Variants in AMBRA1 observed in about 807,000 individuals in gnomAD.
AMBRA1 encodes the protein autophagy and beclin 1 regulator 1.
Under a neutral mutation model 125.4 loss-of-function variants are expected in AMBRA1, and 47 were observed. The ratio of observed to expected loss-of-function variants is 0.37; its 90% CI spans 0.30 to 0.48. AMBRA1 has a LOEUF of 0.48. Ranked by LOEUF, AMBRA1 falls within the 20% of genes least tolerant of loss-of-function variation. AMBRA1 has a pLI of 0.99. For synonymous variants in AMBRA1, 626 were observed against 655.5 expected (o/e 0.95, Z 0.69); for missense variants, 1,331 against 1,693.4 (o/e 0.79, Z 3.76).
chr11:46,507,593 G>A (rs1199040733), intron 9 of AMBRA1, among the ~76,000 whole-genome samples: 2 of 151,824 alleles, frequency 1.3e-5, no homozygotes, highest in Non-Finnish European at 2.9e-5. Flanking sequence ...AAAGCCCAAA[G>A]AAGCAAGAAA....
At chr11:46,547,036 G>A (rs1018077258) in intron 4 of AMBRA1, 77 bp downstream of exon 4, 3 of 1,394,188 alleles carry the variant, frequency 2.2e-6, no homozygotes, top group East Asian at 4.7e-5. Flanking sequence ...ACACCACTGG[G>A]CAACAGAGCG....
At chr11:46,510,628 C>T (rs1370336701) in intron 8 of AMBRA1, among the ~76,000 whole-genome samples, 1 of 152,090 alleles carries the variant, frequency 6.6e-6, no homozygotes, top group Non-Finnish European at 1.5e-5. Flanking sequence ...AGAAGACTGC[C>T]TTTTTATGTA....
At chr11:46,550,957 C>T (rs1269117653) in intron 1 of AMBRA1, among the ~76,000 whole-genome samples, 5 of 149,688 alleles carry the variant, frequency 3.3e-5, no homozygotes, top group East Asian at 3.9e-4. Flanking sequence ...AATAGCCAGA[C>T]GTGGTGGCAG....
intron 11 of AMBRA1, among the ~76,000 whole-genome samples, chr11:46,482,907 G>A (rs1314320621): frequency 2.0e-5 from 3 of 151,864 alleles, no homozygotes; most frequent in South Asian, 2.1e-4. Flanking sequence ...TACTCAGGAC[G>A]CTGAGGCAGG....
At chr11:46,440,755 T>A (rs1947964220) in intron 12 of AMBRA1, among the ~76,000 whole-genome samples, 1 of 152,222 alleles carries the variant, frequency 6.6e-6, no homozygotes, top group Non-Finnish European at 1.5e-5. Flanking sequence ...AATAGATGGT[T>A]GCTGCTGAAG....
intron 1 of AMBRA1, among the ~76,000 whole-genome samples, chr11:46,563,515 C>T (rs752763831): frequency 9.9e-5 from 15 of 152,206 alleles, no homozygotes; most frequent in South Asian, 6.2e-4. Context: ...ATGAGCCACA[C>T]GGCACCCTGA....
intron 1 of AMBRA1, among the ~76,000 whole-genome samples, chr11:46,577,903 T>A (rs1463548257): frequency 6.6e-6 from 1 of 152,072 alleles, no homozygotes; most frequent in African/African-American, 2.4e-5. Context: ...TGAGCCGATA[T>A]AGCACCACTG....
chr11:46,489,733 T>C (rs1950398282), intron 11 of AMBRA1, among the ~76,000 whole-genome samples: 1 of 152,220 alleles, frequency 6.6e-6, no homozygotes, highest in African/African-American at 2.4e-5. Context: ...CTCAGAAGTT[T>C]TTTGTTCTTC....
At chr11:46,441,441 G>A (rs1948001924) in intron 12 of AMBRA1, among the ~76,000 whole-genome samples, 1 of 151,942 alleles carries the variant, frequency 6.6e-6, no homozygotes, top group Non-Finnish European at 1.5e-5. Flanking sequence ...ATGAACCTGG[G>A]GGTGCGGAGA....
chr11:46,562,784 A>C (rs1174752057), intron 1 of AMBRA1, among the ~76,000 whole-genome samples: 2 of 150,950 alleles, frequency 1.3e-5, no homozygotes, highest in African/African-American at 4.9e-5. Context: ...AGTATAATAA[A>C]TATAATGCAA....
intron 11 of AMBRA1, among the ~76,000 whole-genome samples, chr11:46,455,201 C>CT (rs944253374): frequency 1.2e-4 from 18 of 151,200 alleles, no homozygotes; most frequent in African/African-American, 2.4e-4. Flanking sequence ...TTTTCTTTTT[C>CT]TTTTTTTTTA....
At chr11:46,426,589 T>C (rs1947148377) in intron 14 of AMBRA1, among the ~76,000 whole-genome samples, 1 of 152,230 alleles carries the variant, frequency 6.6e-6, no homozygotes, top group African/African-American at 2.4e-5. Flanking sequence ...TCTAGTGTTA[T>C]TTTTAATTTT....
intron 9 of AMBRA1, among the ~76,000 whole-genome samples, chr11:46,500,795 T>C (rs1037061327): frequency 6.6e-6 from 1 of 152,210 alleles, no homozygotes; most frequent in African/African-American, 2.4e-5. Flanking sequence ...CAGTCTTCAA[T>C]ACCCAGCTCA....
intron 1 of AMBRA1, among the ~76,000 whole-genome samples, chr11:46,590,411 T>C (rs1163399392): frequency 6.6e-6 from 1 of 151,914 alleles, no homozygotes; most frequent in Non-Finnish European, 1.5e-5. Context: ...GGAGGGCTAC[T>C]TGAGCCCAGG....
chr11:46,579,832 C>T (rs1387292333), intron 1 of AMBRA1, among the ~76,000 whole-genome samples: 1 of 152,170 alleles, frequency 6.6e-6, no homozygotes, highest in African/African-American at 2.4e-5. Context: ...CCTGCCTCAG[C>T]CTCCTGAGGA....
intron 8 of AMBRA1, 107 bp from the exon 9 acceptor site, chr11:46,508,477 C>A (rs1951143311): frequency 1.7e-6 from 2 of 1,144,336 alleles, no homozygotes; most frequent in Non-Finnish European, 2.5e-6. Context: ...GAGGTGAACT[C>A]TGGAGACATG....
intron 11 of AMBRA1, among the ~76,000 whole-genome samples, chr11:46,459,633 C>G (rs533884828): frequency 2.6e-5 from 4 of 151,626 alleles, no homozygotes; most frequent in South Asian, 2.1e-4. Flanking sequence ...ATTGCTCGGA[C>G]CTGGGAGGTG....
intron 17 of AMBRA1, among the ~76,000 whole-genome samples, chr11:46,399,917 C>T (rs1403486911): frequency 8.0e-6 from 1 of 124,580 alleles, no homozygotes; most frequent in Non-Finnish European, 1.5e-5. Flanking sequence ...AAGACTTCGG[C>T]TCAAATCTCA....
chr11:46,472,106 C>T (rs906234613), intron 11 of AMBRA1, among the ~76,000 whole-genome samples: 3 of 152,182 alleles, frequency 2.0e-5, no homozygotes, highest in African/African-American at 7.2e-5. Flanking sequence ...CAACATTCAG[C>T]CTATGAAAAG....
Sources: gnomAD v4.1 joint callset for allele counts (sites outside exome capture counted in the v4.1 genomes callset) on GRCh38, gnomAD v4.1.1 for gene constraint, MANE v1.5 for transcripts, NCBI Gene and HGNC (gene_info 2026-07-23, HGNC 2026-07-21) for gene names.